Variants in THADA observed in about 807,000 individuals in gnomAD.
THADA encodes the protein tRNA (32-2'-O)-methyltransferase regulator THADA.
In THADA, 213 loss-of-function variants were observed where a neutral mutation model predicts 219.8. That is an observed-to-expected ratio of 0.97 (90% CI 0.87 to 1.09). The LOEUF (loss-of-function observed/expected upper bound fraction) is 1.09, where lower values mean the gene tolerates loss of function less well. THADA is among the 50% of genes least tolerant of loss of function. The probability of loss-of-function intolerance (pLI) is 0.00; values close to 1 mark genes in which losing one functional copy is unlikely to be tolerated. For missense variants in THADA, 2,956 were observed against 2,311.3 expected, an observed-to-expected ratio of 1.28 and a Z score of -5.72; for synonymous variants, 1,018 against 828.9, an observed-to-expected ratio of 1.23 and a Z score of -3.92.
chr2:43,562,017 C>T (rs764938229), intron 15 of THADA, among the ~76,000 whole-genome samples: 4 of 152,052 alleles, frequency 2.6e-5, no homozygotes, highest in Non-Finnish European at 4.4e-5. Context: ...ATGGTATTTC[C>T]ATTTTCATTT....
At chr2:43,434,789 G>A (rs1188456189) in intron 26 of THADA, among the ~76,000 whole-genome samples, 1 of 152,188 alleles carries the variant, frequency 6.6e-6, no homozygotes, top group East Asian at 1.9e-4. Flanking sequence ...GGTATATCAA[G>A]GCAAGAACCC....
In THADA at chr2:43,407,423, T is replaced by C. The variant is rs138740159; in HGVS notation, c.4059-9284A>G. Among the ~76,000 whole-genome samples the C allele has an allele frequency of 4.3e-4, 65 of 152,354 alleles. 1 individual carries two copies. The East Asian group carries it at 0.012, about 29-fold the overall frequency. On this transcript the variant is annotated intron_variant, in intron 28 of 37. Coordinates refer to ENST00000405975, the MANE Select transcript of THADA (RefSeq NM_022065.5). ...TAGAACCTATGATAGCTCTCTATTGTCACATTAAATACATATTCTTATTCT... is the reference window on the plus strand; with the variant it reads ...TAGAACCTATGATAGCTCTCTATTGCCACATTAAATACATATTCTTATTCT...
intron 31 of THADA, among the ~76,000 whole-genome samples, chr2:43,300,989 T>C (rs1676196947): frequency 6.6e-6 from 1 of 152,178 alleles, no homozygotes; most frequent in African/African-American, 2.4e-5. Flanking sequence ...TAAAAACCAC[T>C]GCCCTCAAGT....
At chr2:43,508,545 G>A (rs1689989308) in intron 23 of THADA, 103 bp downstream of exon 23, 5 of 1,149,894 alleles carry the variant, frequency 4.3e-6, no homozygotes, top group Non-Finnish European at 5.9e-6. Context: ...AGACAGAAAT[G>A]TCCTTTATGT....
Position 43,572,858 on chromosome 2 carries a change from A to C in THADA, c.1864T>G (p.Ser622Ala), listed in dbSNP as rs374271718. 3 of 1,613,820 alleles carry C rather than the reference A, an allele frequency of 1.9e-6. No homozygotes were observed. Among genetic ancestry groups the C allele is most frequent in the Non-Finnish European group, 2.5e-6 (3 of 1,179,860 alleles). Reference sequence around the variant, plus strand: ...AAGCCTTGCTTTATTCTTGCATCAGACACGAGGTTCTCCCAGGTATCAGTT... The same window carrying C: ...AAGCCTTGCTTTATTCTTGCATCAGCCACGAGGTTCTCCCAGGTATCAGTT... ...SATDTWENLVSDARIKQGLIH... is the reference protein window; with the variant it reads ...SATDTWENLVADARIKQGLIH... The change falls in exon 12 of 38, where the codon TCT (serine) becomes GCT (alanine). Residue 622 changes from serine (S) to alanine (A), a missense_variant. By Grantham distance (99) the Ser-to-Ala change is moderately conservative. Coordinates refer to ENST00000405975, the MANE Select transcript of THADA (RefSeq NM_022065.5).
intron 22 of THADA, among the ~76,000 whole-genome samples, chr2:43,525,807 T>C (rs190531328): frequency 5.1e-4 from 77 of 152,330 alleles, no homozygotes; most frequent in Middle Eastern, 6.8e-3. Context: ...TGAGGAGTTG[T>C]TACTATCTAT....
chr2:43,467,130 C>T (rs947763271), intron 26 of THADA, among the ~76,000 whole-genome samples: 3 of 124,808 alleles, frequency 2.4e-5, no homozygotes, highest in South Asian at 2.7e-4. Flanking sequence ...TGCAGTGAGC[C>T]GAGATCGCGC....
At chr2:43,566,845 A>G (rs777311350) in intron 14 of THADA, 24 bp from the exon 15 acceptor site, 3 of 1,345,518 alleles carry the variant, frequency 2.2e-6, no homozygotes, top group African/African-American at 1.5e-5. Context: ...AAAAAATTAC[A>G]GTAAGTATAA....
intron 28 of THADA, among the ~76,000 whole-genome samples, chr2:43,426,698 T>A (rs1678484840): frequency 6.6e-6 from 1 of 152,184 alleles, no homozygotes; most frequent in African/African-American, 2.4e-5. Flanking sequence ...TTAATGGTTT[T>A]CTCACATTAA....
At chr2:43,255,550 G>A (rs1311063467) in intron 36 of THADA, among the ~76,000 whole-genome samples, 1 of 152,164 alleles carries the variant, frequency 6.6e-6, no homozygotes, top group Non-Finnish European at 1.5e-5. Context: ...AGGTGACAAG[G>A]GATTGGGCCC....
Position 43,279,845 on chromosome 2 carries a change from C to T in THADA, c.5216G>A (p.Ser1739Asn). The change falls in exon 36 of 38, where the codon AGT (serine) becomes AAT (asparagine). Residue 1739 changes from serine (S) to asparagine (N), a missense_variant. Coordinates refer to ENST00000405975, the MANE Select transcript of THADA (RefSeq NM_022065.5). The part of the protein sequence containing the change: ...LWKCVLTLLQ[S>N]EEQAVRDAAT... ...TGCATCTCTAACAGCTTGCTCCTCA[C>T]TCTGCAGAAGGGTAAGGACACACTT... The T allele has an allele frequency of 1.9e-6, 3 of 1,569,334 alleles. No individual in the cohort carries two copies. The highest frequency in any genetic ancestry group is 2.4e-5 in the South Asian group (2 of 84,138).
At chr2:43,324,438 C>A (rs1423810436) in intron 30 of THADA, among the ~76,000 whole-genome samples, 1 of 152,102 alleles carries the variant, frequency 6.6e-6, no homozygotes, top group Non-Finnish European at 1.5e-5. Flanking sequence ...TTCCAGGAAA[C>A]AGAAGATTTG....
chr2:43,348,485 G>T (rs749353024), intron 29 of THADA, among the ~76,000 whole-genome samples: 1 of 152,232 alleles, frequency 6.6e-6, no homozygotes, highest in African/African-American at 2.4e-5. Flanking sequence ...TGGGCAGAGA[G>T]CCCCTGTGTT....
intron 16 of THADA, among the ~76,000 whole-genome samples, chr2:43,557,875 G>T (rs1412426604): frequency 6.6e-6 from 1 of 152,302 alleles, no homozygotes; most frequent in East Asian, 1.9e-4. Flanking sequence ...GATATCAAAT[G>T]TGCTGATTTA....
intron 28 of THADA, among the ~76,000 whole-genome samples, chr2:43,414,308 C>T (rs985059422): frequency 6.6e-6 from 1 of 152,132 alleles, no homozygotes; most frequent in Non-Finnish European, 1.5e-5. Context: ...GTACATTTAC[C>T]AAGAAGCTTT....
At chr2:43,453,096 A>ACCC (rs1008748743) in intron 26 of THADA, among the ~76,000 whole-genome samples, 12 of 152,174 alleles carry the variant, frequency 7.9e-5, no homozygotes, top group African/African-American at 2.9e-4. Flanking sequence ...CAAACAAAAA[A>ACCC]CCCAAGTAGT....
intron 4 of THADA, among the ~76,000 whole-genome samples, chr2:43,589,326 G>GACAT (rs1701312747): frequency 6.6e-6 from 1 of 152,032 alleles, no homozygotes; most frequent in Non-Finnish European, 1.5e-5. Flanking sequence ...GCTATAACAG[G>GACAT]GATGAACCTT....
intron 35 of THADA, among the ~76,000 whole-genome samples, chr2:43,286,584 T>A (rs549303245): frequency 8.6e-5 from 13 of 152,034 alleles, no homozygotes; most frequent in Admixed American, 2.6e-4. Context: ...CTACTAAAAA[T>A]ACAAAAATTA....
chr2:43,541,293 C>T lies in THADA; in HGVS notation c.3130G>A (p.Val1044Ile). The change falls in exon 21 of 38, where the codon GTA (valine) becomes ATA (isoleucine). Residue 1044 changes from valine to isoleucine, a missense_variant. By Grantham distance (29) the Val-to-Ile change is conservative. Coordinates refer to ENST00000405975, the MANE Select transcript of THADA (RefSeq NM_022065.5). ...IKGKEVKTCD[V>I]TAQMVLVCCW... ...CATACCAGCACCATCTGCGCAGTTA[C>T]ATCACATGTTTTTACTTCTTTACCT... is the stretch of plus-strand genomic sequence containing the variant. 6.2e-7 allele frequency: 1 copy of T among 1,613,362 alleles called. No individual in the cohort carries two copies. The highest frequency in any genetic ancestry group is 8.5e-7 in the Non-Finnish European group (1 of 1,179,602).
Sources: allele counts gnomAD v4.1 joint callset (sites outside exome capture counted in the v4.1 genomes callset), GRCh38; gene constraint gnomAD v4.1.1; transcripts MANE v1.5; gene names NCBI Gene and HGNC (gene_info 2026-07-23, HGNC 2026-07-21).